HCN1: variants seen among roughly 807,000 people sequenced by gnomAD.
HCN1 encodes potassium/sodium hyperpolarization-activated cyclic nucleotide-gated channel 1.
HCN1 carries 13 observed loss-of-function variants against 78.9 expected under a neutral mutation model. The observed-to-expected ratio is 0.16, with a 90% CI of 0.11 to 0.26. The LOEUF is 0.26. Ranked by LOEUF, HCN1 falls within the 10% of genes least tolerant of loss-of-function variation. The pLI is 1.00. For missense variants in HCN1, 810 were observed against 1,154.3 expected (o/e 0.70, Z 4.32); for synonymous variants, 552 against 455.5 (o/e 1.21, Z -2.70).
At chr5:45,419,167 G>A (rs950952814) in intron 3 of HCN1, among the ~76,000 whole-genome samples, 3 of 152,140 alleles carry the variant, frequency 2.0e-5, no homozygotes, top group African/African-American at 7.2e-5. Context: ...AAAGGACTTT[G>A]AGCTATTATT....
chr5:45,352,763 TG>T (rs1424458261), intron 5 of HCN1, among the ~76,000 whole-genome samples: 5 of 151,424 alleles, frequency 3.3e-5, no homozygotes, highest in Non-Finnish European at 7.4e-5. Context: ...AAAGTGAAGA[TG>T]GGAGGAAGAA....
chr5:45,370,567 AAAT>A (rs1320601254), intron 4 of HCN1, among the ~76,000 whole-genome samples: 1 of 152,076 alleles, frequency 6.6e-6, no homozygotes, highest in Non-Finnish European at 1.5e-5. Context: ...CTAAATGTGT[AAAT>A]AATAGAAACT....
At chr5:45,362,285 T>C (rs1747130908) in intron 4 of HCN1, among the ~76,000 whole-genome samples, 1 of 152,000 alleles carries the variant, frequency 6.6e-6, no homozygotes. Flanking sequence ...TCTTCCATTT[T>C]TTTAAATTGG....
At chr5:45,583,493 GT>G (rs1158564943) in intron 2 of HCN1, among the ~76,000 whole-genome samples, 1 of 151,936 alleles carries the variant, frequency 6.6e-6, no homozygotes, top group Non-Finnish European at 1.5e-5. Context: ...GATTGATTGA[GT>G]TTTTGAAGGG....
intron 4 of HCN1, among the ~76,000 whole-genome samples, chr5:45,386,230 C>A (rs1747906802): frequency 7.0e-6 from 1 of 143,208 alleles, no homozygotes; most frequent in Admixed American, 7.3e-5. Flanking sequence ...TGCTGGAGTT[C>A]AGTGGTGTGA....
Position 45,363,549 on chromosome 5 carries a change from A to G in HCN1, c.1231-10303T>C, listed in dbSNP as rs114303263. On this transcript the variant is annotated intron_variant, in intron 4 of 7. Coordinates refer to ENST00000303230, the MANE Select transcript of HCN1 (RefSeq NM_021072.4). The stretch of plus-strand genomic sequence containing the variant: ...TATAACTAAAAAAAACCTCAATAAT[A>G]TACCCTTCATTAGATTTTCCTTTTT... 6.2e-3 allele frequency among the ~76,000 whole-genome samples: 939 copies of G among 152,026 alleles called. 1 individual carries two copies. Among genetic ancestry groups the G allele is most frequent in the Non-Finnish European group, 9.1e-3 (617 of 67,966 alleles).
chr5:45,404,089 A>T lies in HCN1; in HGVS notation c.1012-7379T>A, dbSNP rs538622616. Among the ~76,000 whole-genome samples, 7 of 152,290 alleles carry T rather than the reference A, an allele frequency of 4.6e-5. No homozygotes were observed. In the East Asian group the frequency reaches 1.4e-3, roughly 29 times the overall value. On this transcript the variant is annotated intron_variant, in intron 3 of 7. Transcript: ENST00000303230. Reference sequence around the variant, plus strand: ...TATTTTAATCTACTACCATTGAATGATGGCTTGAATGGGAGATTTAGGCTA... The same window carrying T: ...TATTTTAATCTACTACCATTGAATGTTGGCTTGAATGGGAGATTTAGGCTA...
At chr5:45,468,466 A>C (rs2111643784) in intron 2 of HCN1, among the ~76,000 whole-genome samples, 1 of 151,958 alleles carries the variant, frequency 6.6e-6, no homozygotes, top group South Asian at 2.1e-4. Flanking sequence ...TTTTTTAGAA[A>C]CCTGTTATGT....
intron 2 of HCN1, among the ~76,000 whole-genome samples, chr5:45,636,940 A>G (rs906378156): frequency 6.6e-6 from 1 of 152,224 alleles, no homozygotes. Flanking sequence ...TGAGATTTTT[A>G]TATTTTAAAT....
chr5:45,579,947 G>T (rs1285041635), intron 2 of HCN1, among the ~76,000 whole-genome samples: 2 of 152,014 alleles, frequency 1.3e-5, no homozygotes, highest in Admixed American at 6.6e-5. Flanking sequence ...TGGTCAAAGT[G>T]TCAAAATATG....
intron 6 of HCN1, among the ~76,000 whole-genome samples, chr5:45,282,369 T>G (rs1745186576): frequency 6.6e-6 from 1 of 152,148 alleles, no homozygotes; most frequent in Non-Finnish European, 1.5e-5. Context: ...GAAAATACAT[T>G]GAAAAGTATT....
At chr5:45,346,731 G>T (rs573291326) in intron 5 of HCN1, among the ~76,000 whole-genome samples, 2 of 152,326 alleles carry the variant, frequency 1.3e-5, no homozygotes, top group East Asian at 3.9e-4. Context: ...CTGGCTTGGA[G>T]GGTCCTACAT....
chr5:45,555,122 T>C (rs1743445240), intron 2 of HCN1, among the ~76,000 whole-genome samples: 1 of 151,838 alleles, frequency 6.6e-6, no homozygotes, highest in Admixed American at 6.6e-5. Context: ...ATTTGTAGAT[T>C]ATATGATTTT....
At chr5:45,340,728 T>C (rs1312390062) in intron 5 of HCN1, among the ~76,000 whole-genome samples, 2 of 152,176 alleles carry the variant, frequency 1.3e-5, no homozygotes, top group Non-Finnish European at 2.9e-5. Flanking sequence ...TATATATGAA[T>C]TTCCTATTTT....
intron 2 of HCN1, among the ~76,000 whole-genome samples, chr5:45,597,738 AGT>A (rs1176362809): frequency 4.6e-5 from 7 of 152,234 alleles, no homozygotes; most frequent in African/African-American, 1.7e-4. Context: ...ACACAAAATC[AGT>A]GTGCAAAAAC....
chr5:45,282,247 T>A (rs1271548522), intron 6 of HCN1, among the ~76,000 whole-genome samples: 1 of 152,208 alleles, frequency 6.6e-6, no homozygotes, highest in Non-Finnish European at 1.5e-5. Context: ...GTGCTCCATG[T>A]GTAAAAGAAA....
intron 2 of HCN1, among the ~76,000 whole-genome samples, chr5:45,466,827 A>G (rs1561165709): frequency 1.3e-5 from 2 of 152,132 alleles, no homozygotes; most frequent in East Asian, 3.9e-4. Flanking sequence ...ATATGAGAGA[A>G]TAACACTCTT....
chr5:45,434,419 T>C (rs149032361), intron 3 of HCN1, among the ~76,000 whole-genome samples: 147 of 152,298 alleles, frequency 9.7e-4, no homozygotes, highest in Middle Eastern at 3.4e-3. Flanking sequence ...AAAGACTATT[T>C]GCATGTTAGA....
At chr5:45,464,711 G>A (rs930286264) in intron 2 of HCN1, among the ~76,000 whole-genome samples, 6 of 152,014 alleles carry the variant, frequency 3.9e-5, no homozygotes, top group South Asian at 2.1e-4. Context: ...GCATTATCTC[G>A]GCCCGATCTG....
Sources: allele counts gnomAD v4.1 joint callset (sites outside exome capture counted in the v4.1 genomes callset), GRCh38; gene constraint gnomAD v4.1.1; transcripts MANE v1.5; gene names NCBI Gene and HGNC (gene_info 2026-07-23, HGNC 2026-07-21).